Variants in SNAP91 observed in about 807,000 individuals in gnomAD.
SNAP91 encodes clathrin coat assembly protein AP180.
In SNAP91, 27 loss-of-function variants were observed where a neutral mutation model predicts 100.3. That is an observed-to-expected ratio of 0.27 (90% CI 0.20 to 0.37). The LOEUF is 0.37. SNAP91 is among the 10% of genes least tolerant of loss of function. SNAP91 has a pLI of 1.00. For synonymous variants in SNAP91, 404 were observed against 398.6 expected, an observed-to-expected ratio of 1.01 and a Z score of -0.16; for missense variants, 986 against 1,123.7, an observed-to-expected ratio of 0.88 and a Z score of 1.75.
intron 26 of SNAP91, among the ~76,000 whole-genome samples, chr6:83,571,884 G>A (rs949722235): frequency 6.6e-6 from 1 of 152,102 alleles, no homozygotes; most frequent in African/African-American, 2.4e-5. Flanking sequence ...CATAGGGGCA[G>A]GTCTTTCCTG....
chr6:83,676,329 T>C (rs2098896445), intron 2 of SNAP91, among the ~76,000 whole-genome samples: 2 of 152,018 alleles, frequency 1.3e-5, no homozygotes, highest in African/African-American at 2.4e-5. Context: ...ACAGATAATG[T>C]TATGAAAAAT....
At chr6:83,569,391 A>C (rs1444180858) in intron 26 of SNAP91, among the ~76,000 whole-genome samples, 1 of 152,216 alleles carries the variant, frequency 6.6e-6, no homozygotes, top group Non-Finnish European at 1.5e-5. Flanking sequence ...AGACAATCTC[A>C]GTCTGTGAAA....
At chr6:83,699,676 T>C (rs1345115265) in intron 2 of SNAP91, among the ~76,000 whole-genome samples, 2 of 152,098 alleles carry the variant, frequency 1.3e-5, no homozygotes, top group African/African-American at 4.8e-5. Flanking sequence ...CATTCTCAGA[T>C]TTAAAAAACC....
intron 2 of SNAP91, among the ~76,000 whole-genome samples, chr6:83,682,579 T>A (rs1433648080): frequency 1.3e-5 from 2 of 151,862 alleles, no homozygotes; most frequent in Non-Finnish European, 2.9e-5. Context: ...TTTTTTAAAT[T>A]TTTTTATTTT....
chr6:83,580,256 G>A (rs1299357613), intron 24 of SNAP91, among the ~76,000 whole-genome samples, 194 bp downstream of exon 24: 1 of 151,966 alleles, frequency 6.6e-6, no homozygotes. Flanking sequence ...TGAGCCAATG[G>A]CATAGGAACT....
At chr6:83,686,178 T>G (rs1246697769) in intron 2 of SNAP91, 1 of 985,242 alleles carries the variant, frequency 1.0e-6, no homozygotes, top group African/African-American at 1.7e-5. Flanking sequence ...TCAACACTGT[T>G]TTTTGTTTTT....
At chr6:83,703,281 A>G (rs930601325) in intron 2 of SNAP91, among the ~76,000 whole-genome samples, 8 of 151,938 alleles carry the variant, frequency 5.3e-5, no homozygotes, top group Non-Finnish European at 8.8e-5. Flanking sequence ...TCTTTTACAC[A>G]TTGTTCTACT....
intron 21 of SNAP91, among the ~76,000 whole-genome samples, chr6:83,591,905 G>T (rs1301895902): frequency 1.3e-5 from 2 of 152,148 alleles, no homozygotes; most frequent in Non-Finnish European, 2.9e-5. Flanking sequence ...CCTGCCCTCA[G>T]ATAACACATA....
At chr6:83,630,343 T>C (rs1267287831) in intron 8 of SNAP91, among the ~76,000 whole-genome samples, 3 of 152,014 alleles carry the variant, frequency 2.0e-5, no homozygotes, top group Non-Finnish European at 4.4e-5. Flanking sequence ...GTTTGGGTAT[T>C]AGGGTGATAC....
chr6:83,583,019 A>G (rs1830598765), intron 22 of SNAP91, among the ~76,000 whole-genome samples: 1 of 152,048 alleles, frequency 6.6e-6, no homozygotes, highest in African/African-American at 2.4e-5. Flanking sequence ...GCTTCCCATC[A>G]TTTTTCAGTT....
intron 7 of SNAP91, among the ~76,000 whole-genome samples, chr6:83,645,683 CA>C (rs967560071): frequency 6.1e-5 from 9 of 148,196 alleles, no homozygotes; most frequent in African/African-American, 1.7e-4. Context: ...CCTATGTCTA[CA>C]AAAAAAAAAT....
rs757812922 is a variant in SNAP91 at position 83,582,335 on chromosome 6, G to T, written c.2036C>A (p.Ala679Glu). The change falls in exon 23 of 30, where the codon GCG (alanine) becomes GAG (glutamate). Residue 679 changes from alanine (A) to glutamate (E), a missense_variant. Ala to Glu is a moderately radical substitution (Grantham distance 107). Coordinates refer to ENST00000369694, the MANE Select transcript of SNAP91 (RefSeq NM_001242792.2). ...LLAGFGGSFMAPSPSPVTPAQ... is the reference protein window; with the variant it reads ...LLAGFGGSFMEPSPSPVTPAQ... ...TGGAGTCACTGGAGATGGGGAAGGC[G>T]CCATGAAAGAACCCCCAAATCCTGA... The T allele has an allele frequency of 1.2e-6, 2 of 1,612,510 alleles. No homozygotes were observed. Among genetic ancestry groups the T allele is most frequent in the Admixed American group, 3.3e-5 (2 of 59,932 alleles).
intron 2 of SNAP91, among the ~76,000 whole-genome samples, chr6:83,696,359 G>A (rs1393598802): frequency 1.3e-5 from 2 of 152,124 alleles, no homozygotes; most frequent in Non-Finnish European, 2.9e-5. Flanking sequence ...AAGATAGGTA[G>A]ATAAGAATCA....
intron 19 of SNAP91, 51 bp downstream of exon 19, chr6:83,593,131 G>A: frequency 6.5e-7 from 1 of 1,539,184 alleles, no homozygotes; most frequent in Admixed American, 2.0e-5. Context: ...AGCTTAATCA[G>A]GAAAACATCT....
chr6:83,657,133 T>C (rs1234532865), intron 6 of SNAP91, among the ~76,000 whole-genome samples: 1 of 152,214 alleles, frequency 6.6e-6, no homozygotes, highest in Non-Finnish European at 1.5e-5. Flanking sequence ...CATAGATTAT[T>C]CAAATTTAAC....
intron 2 of SNAP91, among the ~76,000 whole-genome samples, chr6:83,673,859 T>C (rs1348034909): frequency 6.6e-6 from 1 of 152,190 alleles, no homozygotes; most frequent in African/African-American, 2.4e-5. Context: ...GCTGAGTCAC[T>C]TGGGAAGACT....
At chr6:83,708,031 C>A in intron 1 of SNAP91, 74 bp from the exon 2 acceptor site, 1 of 1,344,112 alleles carries the variant, frequency 7.4e-7, no homozygotes, top group Non-Finnish European at 9.6e-7. Flanking sequence ...GCCTTGCCTC[C>A]TCCAGCCGCG....
At chr6:83,593,309 A>C (rs778703447) in intron 18 of SNAP91, 50 bp from the exon 19 acceptor site, 12 of 1,540,036 alleles carry the variant, frequency 7.8e-6, no homozygotes, top group Non-Finnish European at 1.1e-5. Context: ...AATAAGCCTG[A>C]CACAGCATCA....
rs1294181225 is a variant in SNAP91 at position 83,607,680 on chromosome 6, T to C, written c.1022+19A>G. 7 of 1,426,004 alleles carry C rather than the reference T, an allele frequency of 4.9e-6. No homozygotes were observed. The highest frequency in any genetic ancestry group is 6.8e-6 in the Non-Finnish European group (7 of 1,035,026). 88.3% of individuals were successfully genotyped at this position (1,426,004 alleles called of 1,614,324 possible). On this transcript the variant is annotated intron_variant, in intron 13 of 29. Transcript: ENST00000369694. ...AATAAAATATTAATAAACAGTTAAC[T>C]GCATATTTATTTACCAACCTGACTG... is the stretch of plus-strand genomic sequence containing the variant.
Sources: allele counts gnomAD v4.1 joint callset (sites outside exome capture counted in the v4.1 genomes callset), GRCh38; gene constraint gnomAD v4.1.1; transcripts MANE v1.5; gene names NCBI Gene and HGNC (gene_info 2026-07-23, HGNC 2026-07-21).